Variants in FRMPD4 observed in about 807,000 individuals in gnomAD.
The protein encoded by FRMPD4 is FERM and PDZ domain-containing protein 4.
In FRMPD4, 22 loss-of-function variants were observed where a neutral mutation model predicts 94.1. The observed-to-expected ratio is 0.23, with a 90% CI of 0.17 to 0.33. The LOEUF (loss-of-function observed/expected upper bound fraction) is 0.33. Ranked by LOEUF, FRMPD4 falls within the 10% of genes least tolerant of loss-of-function variation. The pLI is 1.00. For synonymous variants in FRMPD4, 631 were observed against 548.6 expected, an observed-to-expected ratio of 1.15 and a Z score of -2.10; for missense variants, 1,111 against 1,339.9, an observed-to-expected ratio of 0.83 and a Z score of 2.67.
chrX:12,698,599 A>G (rs1047127821), intron 9 of FRMPD4, among the ~76,000 whole-genome samples: 1 of 109,895 alleles, frequency 9.1e-6, no homozygotes, highest in Non-Finnish European at 1.9e-5. Context: ...CAATAAAAGC[A>G]TGATTAGTAC....
At chrX:12,229,458 C>G (rs1372382554) in intron 1 of FRMPD4, among the ~76,000 whole-genome samples, 1 of 111,784 alleles carries the variant, frequency 8.9e-6, no homozygotes, top group East Asian at 2.8e-4. Context: ...TTGACATGTT[C>G]ACTTCTTACC....
At chrX:12,186,156 T>C (rs1225421389) in intron 1 of FRMPD4, among the ~76,000 whole-genome samples, 2 of 111,347 alleles carry the variant, frequency 1.8e-5, no homozygotes, top group Non-Finnish European at 3.8e-5. Flanking sequence ...AAAATCTCAC[T>C]GGCTATGCAC....
At chrX:12,316,025 A>G (rs980353224) in intron 1 of FRMPD4, among the ~76,000 whole-genome samples, 1 of 112,424 alleles carries the variant, frequency 8.9e-6, no homozygotes, top group African/African-American at 3.2e-5. Context: ...CCCTCTCTTT[A>G]GCCAAGAGGC....
chrX:12,183,225 A>G (rs2056383495), intron 1 of FRMPD4, among the ~76,000 whole-genome samples: 1 of 111,604 alleles, frequency 9.0e-6, no homozygotes, highest in Non-Finnish European at 1.9e-5. Context: ...TGGGTCATTC[A>G]ACCAAGACAC....
chrX:11,914,830 AC>A (rs2054016067), intron 3 of FRMPD4, among the ~76,000 whole-genome samples: 1 of 112,057 alleles, frequency 8.9e-6, no homozygotes, highest in Non-Finnish European at 1.9e-5. Flanking sequence ...AGAAAAATAA[AC>A]TTTTTTCATG....
At position 12,655,028 on chromosome X, in the gene FRMPD4, G is replaced by A. The variant is rs1276200861; in HGVS notation, c.423-19835G>A. On this transcript the variant is annotated intron_variant, in intron 4 of 16. Coordinates refer to ENST00000675598, the MANE Select transcript of FRMPD4 (RefSeq NM_001368397.1). ...ATATCAGGAAGCTTGAATCACACAA[G>A]TAATTTGTGTAGTACACTGTATGGC... Among the ~76,000 whole-genome samples the A allele has an allele frequency of 8.0e-5, 9 of 111,969 alleles. No homozygotes were observed. In the Admixed American group the frequency reaches 8.5e-4, roughly 11 times the overall value.
intron 2 of FRMPD4, among the ~76,000 whole-genome samples, chrX:12,557,006 T>C (rs1466734499): frequency 9.0e-6 from 1 of 111,652 alleles, no homozygotes; most frequent in East Asian, 2.8e-4. Flanking sequence ...GATTGTATCA[T>C]ATTATCCAGG....
At chrX:12,685,033 G>A (rs931701398) in intron 6 of FRMPD4, among the ~76,000 whole-genome samples, 1 of 112,058 alleles carries the variant, frequency 8.9e-6, no homozygotes, top group Non-Finnish European at 1.9e-5. Flanking sequence ...TCTGGACTGG[G>A]ATCCAGATTT....
chrX:12,552,711 G>A (rs1262731153), intron 2 of FRMPD4, among the ~76,000 whole-genome samples: 4 of 111,754 alleles, frequency 3.6e-5, no homozygotes, highest in African/African-American at 1.3e-4. Flanking sequence ...GTATTTACCT[G>A]GTTCCAAAGT....
intron 1 of FRMPD4, among the ~76,000 whole-genome samples, chrX:11,828,161 A>C (rs1395075997): frequency 8.9e-6 from 1 of 112,187 alleles, no homozygotes; most frequent in East Asian, 2.8e-4. Flanking sequence ...GGAGTATCTA[A>C]AATGTTCCTA....
intron 3 of FRMPD4, among the ~76,000 whole-genome samples, chrX:12,123,707 G>T (rs1341006898): frequency 9.0e-6 from 1 of 111,587 alleles, no homozygotes; most frequent in African/African-American, 3.3e-5. Flanking sequence ...CTACCAATTA[G>T]AGTCCAGTAG....
intron 3 of FRMPD4, among the ~76,000 whole-genome samples, chrX:12,028,335 C>A (rs773636199): frequency 9.8e-5 from 11 of 111,715 alleles, no homozygotes; most frequent in Non-Finnish European, 2.1e-4. Context: ...TTTTTTAGAG[C>A]ATTCTTAGGT....
chrX:11,992,374 A>G (rs961891303), intron 3 of FRMPD4, among the ~76,000 whole-genome samples: 1 of 111,912 alleles, frequency 8.9e-6, no homozygotes, highest in African/African-American at 3.2e-5. Context: ...TGGTTTATTT[A>G]TACATATTCA....
At chrX:12,006,600 A>G (rs1346087871) in intron 3 of FRMPD4, among the ~76,000 whole-genome samples, 1 of 111,909 alleles carries the variant, frequency 8.9e-6, no homozygotes, top group African/African-American at 3.2e-5. Context: ...GGTGGCTGAT[A>G]AGGCCCAGCC....
chrX:12,562,194 G>T (rs1290689073), intron 2 of FRMPD4, among the ~76,000 whole-genome samples: 2 of 112,461 alleles, frequency 1.8e-5, no homozygotes, highest in Admixed American at 9.4e-5. Context: ...AGGTGGGTTG[G>T]GTATTCCCCA....
intron 1 of FRMPD4, among the ~76,000 whole-genome samples, chrX:12,332,324 A>G (rs2055443188): frequency 9.6e-6 from 1 of 104,370 alleles, no homozygotes; most frequent in East Asian, 2.9e-4. Context: ...AAAGGCCGGA[A>G]AAAACCTGGA....
chrX:12,678,390 G>A (rs368163899), intron 5 of FRMPD4, among the ~76,000 whole-genome samples: 4 of 112,456 alleles, frequency 3.6e-5, no homozygotes, highest in African/African-American at 3.2e-5. Context: ...CCGATATACC[G>A]TCTTCTTTCC....
intron 3 of FRMPD4, among the ~76,000 whole-genome samples, chrX:12,132,819 A>G (rs1369409914): frequency 9.0e-6 from 1 of 110,629 alleles, no homozygotes; most frequent in Non-Finnish European, 1.9e-5. Flanking sequence ...GGGTGATTGT[A>G]AGGGTAAAAA....
intron 1 of FRMPD4, among the ~76,000 whole-genome samples, chrX:12,435,560 AT>A (rs5901474): frequency 0.37 from 39,964 of 108,618 alleles, 5,815 homozygotes; most frequent in East Asian, 0.59. Context: ...TTACTATAAC[AT>A]TTTTTTTTAT....
Sources: gnomAD v4.1 joint callset for allele counts (sites outside exome capture counted in the v4.1 genomes callset) on GRCh38, gnomAD v4.1.1 for gene constraint, MANE v1.5 for transcripts, NCBI Gene and HGNC (gene_info 2026-07-23, HGNC 2026-07-21) for gene names.